The following ASTN1 variants were observed in gnomAD, a reference collection of about 807,000 sequenced individuals.
ASTN1 encodes astrotactin-1.
A neutral mutation model predicts 140.7 loss-of-function variants in ASTN1; 41 were observed. The ratio of observed to expected loss-of-function variants is 0.29; its 90% CI spans 0.23 to 0.38. The LOEUF (loss-of-function observed/expected upper bound fraction) is 0.38, where lower values mean the gene tolerates loss of function less well. ASTN1 is among the 10% of genes least tolerant of loss of function. The pLI, the probability that ASTN1 is intolerant of heterozygous loss-of-function variation, is 1.00. For missense variants in ASTN1, 1,479 were observed against 1,678.8 expected (o/e 0.88, Z 2.08); for synonymous variants, 640 against 652.2 (o/e 0.98, Z 0.29).
chr1:177,149,196 AAT>A lies in ASTN1; in HGVS notation c.283+15196_283+15197del, dbSNP rs1558130602. On this transcript the variant is annotated intron_variant, in intron 1 of 22. Coordinates refer to ENST00000361833, the MANE Select transcript of ASTN1 (RefSeq NM_004319.3). ...AAATATATAGTGTATATATATAGTA[AAT>A]ATATATAGTGTATATATAGTAAATA... Among the ~76,000 whole-genome samples, 85 of 109,560 alleles carry A rather than the reference AAT, an allele frequency of 7.8e-4. 8 individuals carry two copies. Among genetic ancestry groups the A allele is most frequent in the African/African-American group, 3.5e-3 (84 of 23,742 alleles). 71.9% of individuals were successfully genotyped at this position (109,560 alleles called of 152,430 possible).
chr1:177,107,723 G>A (rs1680620152), intron 1 of ASTN1, among the ~76,000 whole-genome samples: 1 of 152,160 alleles, frequency 6.6e-6, no homozygotes, highest in African/African-American at 2.4e-5. Flanking sequence ...AGTCTGGCCA[G>A]AGCACCTTGC....
intron 22 of ASTN1, among the ~76,000 whole-genome samples, chr1:176,867,064 G>A (rs1040141974): frequency 6.6e-6 from 1 of 152,200 alleles, no homozygotes. Flanking sequence ...TGGGAGGAGA[G>A]TGTGCAGTCA....
Position 176,958,347 on chromosome 1 carries a change from G to C in ASTN1, c.1734C>G (p.Val578=). 6.2e-7 allele frequency: 1 copy of C among 1,613,952 alleles called. No individual in the cohort carries two copies. The highest frequency in any genetic ancestry group is 1.1e-5 in the South Asian group (1 of 91,050). ...CTCAGTCCTGAAGCCAGACTCACCT[G>C]ACCTCCACAGCATCCTCCATCACAG... ...DMTVMEDAVE[V]REELMTSSSF... is the part of the protein sequence containing the mutation. Residue 578 remains valine (V), a splice_region_variant and synonymous_variant, in exon 10 of 23, where the codon GTC becomes GTG. Transcript: ENST00000361833.
At chr1:176,970,555 ATAGGTAGG>A (rs35499067) in intron 8 of ASTN1, among the ~76,000 whole-genome samples, 12 of 150,930 alleles carry the variant, frequency 8.0e-5, no homozygotes, top group African/African-American at 1.5e-4. Context: ...AGAAATAGAG[ATAGGTAGG>A]TAGGTAGGTA....
At chr1:176,924,843 C>A (rs933011659) in intron 16 of ASTN1, among the ~76,000 whole-genome samples, 2 of 152,070 alleles carry the variant, frequency 1.3e-5, no homozygotes, top group African/African-American at 2.4e-5. Flanking sequence ...TCCCATCAAC[C>A]AAAATACTAT....
chr1:176,869,814 C>T (rs191750293), intron 21 of ASTN1, among the ~76,000 whole-genome samples: 5 of 152,200 alleles, frequency 3.3e-5, no homozygotes, highest in Non-Finnish European at 5.9e-5. Flanking sequence ...GTGGGTGGTG[C>T]GCATTCGGCT....
chr1:177,156,269 C>CAA (rs919683416), intron 1 of ASTN1, among the ~76,000 whole-genome samples: 21 of 76,690 alleles, frequency 2.7e-4, no homozygotes, highest in African/African-American at 8.7e-4. Flanking sequence ...GACTCCGTCT[C>CAA]AAAAAAAAAA....
At position 176,861,770 on chromosome 1, in the gene ASTN1, A is replaced by G. The variant is rs965361082; in HGVS notation, c.*2514T>C. 4.1e-5 allele frequency: 40 copies of G among 985,316 alleles called. No homozygotes were observed. Among genetic ancestry groups the G allele is most frequent in the Admixed American group, 6.1e-5 (1 of 16,262 alleles). 61.0% of individuals were successfully genotyped at this position (985,316 alleles called of 1,614,324 possible). On this transcript the variant is annotated 3_prime_UTR_variant, in exon 23 of 23. Coordinates refer to ENST00000361833, the MANE Select transcript of ASTN1 (RefSeq NM_004319.3). Reference sequence around the variant, plus strand: ...AGGAAGAAAGTCTTGGGGAAAGAGGAGGCCAAAAAAGGAGGGTCACAGAAA... The same window carrying G: ...AGGAAGAAAGTCTTGGGGAAAGAGGGGGCCAAAAAAGGAGGGTCACAGAAA...
chr1:176,996,558 G>A (rs1185012117), intron 8 of ASTN1, among the ~76,000 whole-genome samples: 1 of 152,138 alleles, frequency 6.6e-6, no homozygotes, highest in Non-Finnish European at 1.5e-5. Context: ...GAGAGGTTTT[G>A]CGATAGCATC....
intron 20 of ASTN1, 34 bp downstream of exon 20, chr1:176,882,825 G>A (rs777166536): frequency 6.2e-7 from 1 of 1,613,328 alleles, no homozygotes; most frequent in Admixed American, 1.7e-5. Flanking sequence ...GACTGTCAGG[G>A]TAAGAAGTCA....
intron 15 of ASTN1, among the ~76,000 whole-genome samples, chr1:176,935,076 G>A (rs919709544): frequency 4.6e-5 from 7 of 152,198 alleles, no homozygotes; most frequent in Non-Finnish European, 1.0e-4. Flanking sequence ...CTCTTTAAGA[G>A]AATTACTGTA....
At chr1:177,045,678 T>G (rs1273114897) in intron 2 of ASTN1, among the ~76,000 whole-genome samples, 1 of 152,208 alleles carries the variant, frequency 6.6e-6, no homozygotes, top group Non-Finnish European at 1.5e-5. Context: ...CTCTAGCTCC[T>G]ACCTTTTGGT....
In ASTN1 at chr1:177,014,881, A is replaced by C; in HGVS notation, c.1439-6T>G. 1 of 1,608,524 alleles carries C rather than the reference A, an allele frequency of 6.2e-7. No individual in the cohort carries two copies. Among genetic ancestry groups the C allele is most frequent in the South Asian group, 1.1e-5 (1 of 90,892 alleles). On this transcript the variant is annotated splice_region_variant and splice_polypyrimidine_tract_variant and intron_variant, in intron 7 of 22. Transcript: ENST00000361833. ...TTCATAGCAGAGGCATTCCCCTTAG[A>C]AGCAGGGTAAGGAGGAAGAAAGAGA...
At chr1:177,130,599 C>T (rs1433097707) in intron 1 of ASTN1, among the ~76,000 whole-genome samples, 2 of 152,128 alleles carry the variant, frequency 1.3e-5, no homozygotes, top group Non-Finnish European at 2.9e-5. Flanking sequence ...AATCCCTGAG[C>T]TGTAATCTGG....
intron 1 of ASTN1, among the ~76,000 whole-genome samples, chr1:177,119,225 C>T (rs1681256275): frequency 6.6e-6 from 1 of 152,180 alleles, no homozygotes; most frequent in African/African-American, 2.4e-5. Flanking sequence ...ACGACTGTGC[C>T]TCATTCATCC....
intron 1 of ASTN1, among the ~76,000 whole-genome samples, chr1:177,128,878 G>A (rs977695504): frequency 1.3e-5 from 2 of 152,168 alleles, no homozygotes; most frequent in African/African-American, 4.8e-5. Flanking sequence ...TATGACATGA[G>A]CATTGAAATT....
intron 2 of ASTN1, among the ~76,000 whole-genome samples, chr1:177,035,535 G>C (rs1676672179): frequency 6.6e-6 from 1 of 152,208 alleles, no homozygotes; most frequent in Admixed American, 6.5e-5. Flanking sequence ...AGATTAGTTG[G>C]TAGTAAAAAG....
At chr1:177,032,278 G>C (rs1192478750) in intron 3 of ASTN1, among the ~76,000 whole-genome samples, 178 bp downstream of exon 3, 3 of 152,148 alleles carry the variant, frequency 2.0e-5, no homozygotes, top group African/African-American at 4.8e-5. Context: ...TGGTTTTCTA[G>C]ATTAGAAAAC....
At chr1:177,039,920 C>G (rs1676893558) in intron 2 of ASTN1, among the ~76,000 whole-genome samples, 1 of 152,180 alleles carries the variant, frequency 6.6e-6, no homozygotes. Flanking sequence ...CCCCAGTTAG[C>G]CAATGATCTC....
Sources: gnomAD v4.1 joint callset for allele counts (sites outside exome capture counted in the v4.1 genomes callset) on GRCh38, gnomAD v4.1.1 for gene constraint, MANE v1.5 for transcripts, NCBI Gene and HGNC (gene_info 2026-07-23, HGNC 2026-07-21) for gene names.